Variants in MAP4K5 observed in about 807,000 individuals in gnomAD.
MAP4K5 encodes mitogen-activated protein kinase kinase kinase kinase 5.
In MAP4K5, 82 loss-of-function variants were observed where a neutral mutation model predicts 135.6. The observed-to-expected ratio is 0.60, with a 90% CI of 0.51 to 0.73. The LOEUF is 0.73. Ranked by LOEUF, MAP4K5 falls within the 30% of genes least tolerant of loss-of-function variation. The probability of loss-of-function intolerance (pLI) is 0.00; values close to 1 mark genes in which losing one functional copy is unlikely to be tolerated. For missense variants in MAP4K5, 907 were observed against 1,010.9 expected (o/e 0.90, Z 1.39); for synonymous variants, 347 against 335.0 (o/e 1.04, Z -0.39).
rs755676315 is a variant in MAP4K5 at position 50,485,630 on chromosome 14, T to G, written c.270A>C (p.Leu90=). ...YFGSYLSREK[L]WICMEYCGGG... is the part of the protein sequence containing the mutation. ...CACCACAGTATTCCATACAAATCCA[T>G]AGTTTTTCCCGACTAATACAAAAAA... Residue 90 remains leucine (L), a synonymous_variant, in exon 5 of 33, where the codon CTA becomes CTC. Transcript: ENST00000682126. The G allele has an allele frequency of 3.9e-6, 6 of 1,545,162 alleles. No homozygotes were observed. Among genetic ancestry groups the G allele is most frequent in the Non-Finnish European group, 5.3e-6 (6 of 1,141,118 alleles).
rs1157116084 is a variant in MAP4K5, at chr14:50,464,146, A to C, written c.738-13T>G. On this transcript the variant is annotated splice_polypyrimidine_tract_variant and intron_variant, in intron 11 of 32. Transcript: ENST00000682126. ...GAATGTTGATGACCTTAAAATAAAA[A>C]GAGACGTACAAAAATATTTCACTAC... 1.0e-5 allele frequency: 13 copies of C among 1,300,676 alleles called. No homozygotes were observed. The East Asian group carries it at 3.3e-4, about 33-fold the overall frequency. 80.6% of individuals were successfully genotyped at this position (1,300,676 alleles called of 1,614,324 possible). A position where few individuals can be genotyped will look rare whatever the true frequency, so the allele number is the denominator to read the frequency against.
Position 50,423,114 on chromosome 14 carries a change from C to T in MAP4K5, c.2453+7G>A. On this transcript the variant is annotated splice_region_variant and intron_variant, in intron 32 of 32. Transcript: ENST00000682126. Reference sequence around the variant, plus strand: ...TGGTAATTAAATTAATACAACCAAACTATTACCTGTCTGATCCTAATAAGC... The same window carrying T: ...TGGTAATTAAATTAATACAACCAAATTATTACCTGTCTGATCCTAATAAGC... 6.8e-7 allele frequency: 1 copy of T among 1,473,112 alleles called. No homozygotes were observed. The highest frequency in any genetic ancestry group is 9.4e-7 in the Non-Finnish European group (1 of 1,061,460). 91.3% of individuals were successfully genotyped at this position (1,473,112 alleles called of 1,614,324 possible).
At chr14:50,440,537 G>T in intron 21 of MAP4K5, 96 bp from the exon 22 acceptor site, 1 of 600,414 alleles carries the variant, frequency 1.7e-6, no homozygotes, top group South Asian at 2.5e-5. Flanking sequence ...TCAAGAATTA[G>T]CCACCTATCC....
intron 1 of MAP4K5, among the ~76,000 whole-genome samples, chr14:50,550,360 G>A (rs1285624008): frequency 6.6e-6 from 1 of 152,210 alleles, no homozygotes; most frequent in African/African-American, 2.4e-5. Context: ...GGTCCCTACT[G>A]AACATCTGTG....
intron 3 of MAP4K5, among the ~76,000 whole-genome samples, chr14:50,491,685 TTC>T (rs1566675892): frequency 6.6e-6 from 1 of 151,108 alleles, no homozygotes; most frequent in Non-Finnish European, 1.5e-5. Context: ...ATACTGAACT[TTC>T]TTTTTTTTTT....
chr14:50,514,738 A>C (rs1444401098), intron 2 of MAP4K5, among the ~76,000 whole-genome samples: 4 of 152,160 alleles, frequency 2.6e-5, no homozygotes, highest in Non-Finnish European at 4.4e-5. Context: ...GTGTAAAGAC[A>C]AGAGAAAACA....
chr14:50,519,296 T>C (rs936139179), intron 2 of MAP4K5, among the ~76,000 whole-genome samples: 6 of 152,116 alleles, frequency 3.9e-5, no homozygotes, highest in Non-Finnish European at 8.8e-5. Context: ...TTTTTAAAAG[T>C]TGGGAATGTT....
chr14:50,522,843 T>C (rs567765818), intron 2 of MAP4K5, among the ~76,000 whole-genome samples: 106 of 152,332 alleles, frequency 7.0e-4, no homozygotes, highest in Non-Finnish European at 1.2e-3. Context: ...CATACATCTA[T>C]TTTTTATTAC....
At position 50,426,111 on chromosome 14, in the gene MAP4K5, T is replaced by C. The variant is rs149318941; in HGVS notation, c.2327-134A>G. On this transcript the variant is annotated intron_variant, in intron 30 of 32. Transcript: ENST00000682126. ...AAATTCCACTGTCTAGACCACGATTTCTCAACATTTTTGTGGCTAAGACAT... is the reference window on the plus strand; with the variant it reads ...AAATTCCACTGTCTAGACCACGATTCCTCAACATTTTTGTGGCTAAGACAT... The C allele has an allele frequency of 5.3e-3, 2,584 of 485,566 alleles. 10 individuals are homozygous for C. The highest frequency in any genetic ancestry group is 8.0e-3 in the Non-Finnish European group (2,189 of 273,530). 30.1% of individuals were successfully genotyped at this position (485,566 alleles called of 1,614,324 possible). A position where few individuals can be genotyped will look rare whatever the true frequency, so the allele number is the denominator to read the frequency against.
Position 50,479,014 on chromosome 14 carries a change from T to G in MAP4K5, c.379-2708A>C, listed in dbSNP as rs114673384. Among the ~76,000 whole-genome samples the G allele has an allele frequency of 3.4e-3, 181 of 53,968 alleles. 2 individuals carry two copies. Among genetic ancestry groups the G allele is most frequent in the Admixed American group, 1.7e-3 (8 of 4,770 alleles). 35.4% of individuals were successfully genotyped at this position (53,968 alleles called of 152,430 possible). ...TAGTGTAGTTTTTTTCGTTTTTTTT[T>G]TTTTTGTTGTTGTTGTTTTTTGTGC... On this transcript the variant is annotated intron_variant, in intron 6 of 32. Transcript: ENST00000682126.
At chr14:50,484,395 G>A (rs1309488500) in intron 5 of MAP4K5, among the ~76,000 whole-genome samples, 1 of 152,052 alleles carries the variant, frequency 6.6e-6, no homozygotes, top group Non-Finnish European at 1.5e-5. Flanking sequence ...ATATTGATAA[G>A]TTTTTTTGTA....
chr14:50,507,824 G>A (rs1045283051), intron 2 of MAP4K5, among the ~76,000 whole-genome samples: 5 of 152,214 alleles, frequency 3.3e-5, no homozygotes, highest in Non-Finnish European at 7.3e-5. Context: ...TGTATATTCT[G>A]TTGATTTGGG....
intron 16 of MAP4K5, among the ~76,000 whole-genome samples, chr14:50,446,383 TAAAAA>T (rs1296834279): frequency 6.6e-6 from 1 of 152,184 alleles, no homozygotes; most frequent in African/African-American, 2.4e-5. Flanking sequence ...TCTTATGTAA[TAAAAA>T]CTAAGTTAAC....
At chr14:50,482,582 T>G in intron 5 of MAP4K5, 166 bp from the exon 6 acceptor site, 4 of 485,540 alleles carry the variant, frequency 8.2e-6, no homozygotes, top group South Asian at 2.4e-5. Flanking sequence ...CTCGAGACTA[T>G]CCTGGCCAAC....
chr14:50,554,320 A>T (rs1350433790), intron 1 of MAP4K5, among the ~76,000 whole-genome samples: 1 of 152,232 alleles, frequency 6.6e-6, no homozygotes, highest in African/African-American at 2.4e-5. Context: ...GCTAACAGGC[A>T]TCATAATTGT....
rs530129407 is a variant in MAP4K5, at chr14:50,464,244, G to A, written c.738-111C>T. On this transcript the variant is annotated intron_variant, in intron 11 of 32. Transcript: ENST00000682126. The stretch of plus-strand genomic sequence containing the variant: ...TCTAAAACACCATGATTTTTTATTG[G>A]GCCACTTAGTTAAAGTACAATATAT... 5.3e-5 allele frequency: 32 copies of A among 602,394 alleles called. No individual in the cohort carries two copies. In the South Asian group the frequency reaches 6.2e-4, roughly 12 times the overall value. The allele number at this position is 602,394 out of a possible 1,614,324, so 37.3% of individuals were successfully genotyped here. A position where few individuals can be genotyped will look rare whatever the true frequency, so the allele number is the denominator to read the frequency against.
intron 2 of MAP4K5, among the ~76,000 whole-genome samples, chr14:50,517,715 T>C (rs796261852): frequency 3.3e-5 from 5 of 152,110 alleles, no homozygotes; most frequent in African/African-American, 9.6e-5. Flanking sequence ...GTTGCAGTGG[T>C]TGCAGTAAGC....
chr14:50,453,856 T>TA (rs2036543791), intron 14 of MAP4K5, among the ~76,000 whole-genome samples: 3 of 152,142 alleles, frequency 2.0e-5, no homozygotes. Context: ...TCCTCTGGTG[T>TA]GTGTTCTCTC....
At chr14:50,522,358 T>C (rs1285548343) in intron 2 of MAP4K5, among the ~76,000 whole-genome samples, 3 of 152,196 alleles carry the variant, frequency 2.0e-5, no homozygotes, top group Non-Finnish European at 4.4e-5. Flanking sequence ...ACAGTTTTCA[T>C]AACATGTATT....
Sources: gnomAD v4.1 joint callset for allele counts (sites outside exome capture counted in the v4.1 genomes callset) on GRCh38, gnomAD v4.1.1 for gene constraint, MANE v1.5 for transcripts, NCBI Gene and HGNC (gene_info 2026-07-23, HGNC 2026-07-21) for gene names.